DMAC2: variants seen among roughly 807,000 people sequenced by gnomAD.
DMAC2 encodes distal membrane arm assembly component 2, also known as distal membrane-arm assembly complex protein 2.
A neutral mutation model predicts 29.6 loss-of-function variants in DMAC2; 32 were observed. That is an observed-to-expected ratio of 1.08 (90% confidence interval 0.81 to 1.45). DMAC2 has a LOEUF of 1.45. Ranked by LOEUF, DMAC2 falls within the 40% of genes most tolerant of loss-of-function variation. The probability of loss-of-function intolerance (pLI) is 0.00; values close to 1 mark genes in which losing one functional copy is unlikely to be tolerated. For synonymous variants in DMAC2, 133 were observed against 137.4 expected, an observed-to-expected ratio of 0.97 and a Z score of 0.23; for missense variants, 319 against 340.0, an observed-to-expected ratio of 0.94 and a Z score of 0.49.
chr19:41,432,568 C>CGTGTGTGTGT (rs149102482), intron 5 of DMAC2, 160 bp from the exon 6 acceptor site: 1 of 464,718 alleles, frequency 2.2e-6, no homozygotes, highest in Admixed American at 3.5e-5. Context: ...ACAGTGTGTG[C>CGTGTGTGTGT]GTGTGTGTGT....
chr19:41,438,148 T>C, intron 2 of DMAC2, 70 bp downstream of exon 2: 1 of 1,436,818 alleles, frequency 7.0e-7, no homozygotes, highest in East Asian at 2.3e-5. Flanking sequence ...TGCCTGGGAA[T>C]GGCAAGGACA....
intron 2 of DMAC2, 115 bp from the exon 3 acceptor site, chr19:41,436,587 G>C: frequency 1.2e-6 from 1 of 849,594 alleles, no homozygotes; most frequent in Non-Finnish European, 1.9e-6. Flanking sequence ...GACAGATTCA[G>C]TCAGGCTGAA....
intron 2 of DMAC2, 107 bp downstream of exon 2, chr19:41,438,111 C>T (rs1285654173): frequency 1.1e-5 from 12 of 1,057,136 alleles, no homozygotes; most frequent in Non-Finnish European, 1.7e-5. Flanking sequence ...CAAGAGACAT[C>T]AAGGCTGGCA....
At chr19:41,438,060 G>C (rs1458781355) in intron 2 of DMAC2, among the ~76,000 whole-genome samples, 158 bp downstream of exon 2, 1 of 152,204 alleles carries the variant, frequency 6.6e-6, no homozygotes, top group Admixed American at 6.5e-5. Context: ...GCCTATGTGA[G>C]CTGGAGTCCT....
Position 41,433,295 on chromosome 19 carries a change from G to T in DMAC2, c.573C>A (p.Gly191=), listed in dbSNP as rs2039672886. Reference sequence around the variant, plus strand: ...ACTGGAGGTGGTGGAGGCAGGCGAGGCCCCGTTCGGAGATGCGGGGGCAAC... The same window carrying T: ...ACTGGAGGTGGTGGAGGCAGGCGAGTCCCCGTTCGGAGATGCGGGGGCAAC... ...LAGCPRISER[G]LACLHHLQNL... The change falls in exon 5 of 6, where the codon GGC becomes GGA. Residue 191 remains glycine, a synonymous_variant. Coordinates refer to ENST00000221943, the MANE Select transcript of DMAC2 (RefSeq NM_018035.3). 1 of 1,610,076 alleles carries T rather than the reference G, an allele frequency of 6.2e-7. No homozygotes were observed.
In DMAC2 at chr19:41,432,321, A is replaced by ATT; in HGVS notation, c.682_683dup (p.Asn228LysfsTer14). 1 of 1,614,160 alleles carries ATT rather than the reference A, an allele frequency of 6.2e-7. No individual in the cohort carries two copies. The highest frequency in any genetic ancestry group is 8.5e-7 in the Non-Finnish European group (1 of 1,180,026). On this transcript the variant is annotated frameshift_variant, in exon 6 of 6. Transcript: ENST00000221943. LOFTEE classifies it low-confidence loss of function (END_TRUNC). ...CCCAGTCGACTCCCACAACCTCGCA[A>ATT]TTGGGCAGCATCTCCTCCACCAATA... is the stretch of plus-strand genomic sequence containing the variant.
At chr19:41,439,516 A>C in intron 1 of DMAC2, 2 of 1,537,072 alleles carry the variant, frequency 1.3e-6, no homozygotes, top group Middle Eastern at 1.7e-4. Context: ...ACATCCTCGA[A>C]CAATCCCTTC....
chr19:41,433,209 C>A, intron 5 of DMAC2, 63 bp downstream of exon 5: 1 of 1,508,900 alleles, frequency 6.6e-7, no homozygotes, highest in East Asian at 2.4e-5. Flanking sequence ...ACTTCCTCTC[C>A]TGCATCTGGG....
Position 41,432,186 on chromosome 19 carries a change from A to G in DMAC2, c.*45T>C. On this transcript the variant is annotated 3_prime_UTR_variant, in exon 6 of 6. Transcript: ENST00000221943. Reference sequence around the variant, plus strand: ...AGTGTGGTGAGCTACCAGACATTCCATGCAGCCCGCTGAGAAGCCACGTGA... The same window carrying G: ...AGTGTGGTGAGCTACCAGACATTCCGTGCAGCCCGCTGAGAAGCCACGTGA... 1 of 1,585,938 alleles carries G rather than the reference A, an allele frequency of 6.3e-7. No homozygotes were observed. Among genetic ancestry groups the G allele is most frequent in the Admixed American group, 1.7e-5 (1 of 58,332 alleles).
At chr19:41,433,820 G>T in intron 3 of DMAC2, 147 bp from the exon 4 acceptor site, 1 of 1,122,722 alleles carries the variant, frequency 8.9e-7, no homozygotes, top group Non-Finnish European at 1.3e-6. Context: ...CCATCTGGCT[G>T]TGCGCAGTGG....
chr19:41,434,713 G>A (rs2039766136), intron 3 of DMAC2, among the ~76,000 whole-genome samples: 1 of 152,014 alleles, frequency 6.6e-6, no homozygotes, highest in East Asian at 1.9e-4. Flanking sequence ...ACATTATTGA[G>A]CACAGGCCAG....
At chr19:41,433,159 T>C in intron 5 of DMAC2, 113 bp downstream of exon 5, 1 of 1,179,564 alleles carries the variant, frequency 8.5e-7, no homozygotes, top group Non-Finnish European at 1.2e-6. Context: ...TTGTGATGGA[T>C]GCAGGGGGAT....
chr19:41,438,384 C>CA lies in DMAC2; in HGVS notation c.48dup (p.Gly17TrpfsTer53). The CA allele has an allele frequency of 6.2e-7, 1 of 1,614,116 alleles. No individual in the cohort carries two copies. The highest frequency in any genetic ancestry group is 8.5e-7 in the Non-Finnish European group (1 of 1,180,004). ...AGGCGATGGATGCCCCTGATACGCC[C>CA]ATTCCACATGGGGGCGACCAGGCGC... On this transcript the variant is annotated frameshift_variant, in exon 2 of 6. Transcript: ENST00000221943. LOFTEE classifies it high-confidence loss of function.
chr19:41,438,378 T>TA lies in DMAC2; in HGVS notation c.54dup (p.Ile19TyrfsTer51). 6.2e-7 allele frequency: 1 copy of TA among 1,614,172 alleles called. No individual in the cohort carries two copies. The highest frequency in any genetic ancestry group is 1.1e-5 in the South Asian group (1 of 91,088). On this transcript the variant is annotated frameshift_variant, in exon 2 of 6. Coordinates refer to ENST00000221943, the MANE Select transcript of DMAC2 (RefSeq NM_018035.3). LOFTEE classifies it high-confidence loss of function. ...GCACCCAGGCGATGGATGCCCCTGATACGCCCATTCCACATGGGGGCGACC... is the reference window on the plus strand; with the variant it reads ...GCACCCAGGCGATGGATGCCCCTGATAACGCCCATTCCACATGGGGGCGACC...
intron 1 of DMAC2, among the ~76,000 whole-genome samples, 171 bp from the exon 2 acceptor site, chr19:41,438,585 T>G (rs1555771995): frequency 1.3e-5 from 2 of 152,224 alleles, no homozygotes; most frequent in Non-Finnish European, 2.9e-5. Context: ...TTCCCCATGT[T>G]TTTTCCAAGT....
intron 5 of DMAC2, chr19:41,432,869 C>CGT (rs144379734): frequency 5.4e-4 from 211 of 394,138 alleles, no homozygotes; most frequent in South Asian, 7.2e-4. Flanking sequence ...TGTGTGCGTG[C>CGT]GTGTGTGTGT....
At chr19:41,439,373 T>C in intron 1 of DMAC2, 2 of 743,632 alleles carry the variant, frequency 2.7e-6, no homozygotes, top group Admixed American at 5.3e-5. Context: ...TTCACCCAGA[T>C]CATGCCCTTA....
intron 3 of DMAC2, among the ~76,000 whole-genome samples, chr19:41,435,611 G>A (rs374164730): frequency 2.0e-5 from 3 of 151,960 alleles, no homozygotes; most frequent in African/African-American, 4.8e-5. Context: ...TGTTGCCCAG[G>A]CTAGAGTTCA....
chr19:41,436,825 T>C (rs1037155794), intron 2 of DMAC2, among the ~76,000 whole-genome samples: 3 of 151,290 alleles, frequency 2.0e-5, no homozygotes, highest in East Asian at 3.9e-4. Context: ...GGAGTGGGGA[T>C]GGTGGAGGCT....
Sources: allele counts gnomAD v4.1 joint callset (sites outside exome capture counted in the v4.1 genomes callset), GRCh38; gene constraint gnomAD v4.1.1; transcripts MANE v1.5; gene names NCBI Gene and HGNC (gene_info 2026-07-23, HGNC 2026-07-21).